The following DTD1 variants were observed in gnomAD, a reference collection of about 807,000 sequenced individuals.
DTD1 encodes D-tyrosyl-tRNA deacylase 1 homolog.
In DTD1, 13 loss-of-function variants were observed where a neutral mutation model predicts 25.6. The observed-to-expected ratio is 0.51, with a 90% CI of 0.33 to 0.81. The LOEUF is 0.81. Among genes scored for constraint, DTD1 ranks in the 30% least tolerant of loss-of-function variants. The probability of loss-of-function intolerance (pLI) is 0.02; values close to 1 mark genes in which losing one functional copy is unlikely to be tolerated. For synonymous variants in DTD1, 110 were observed against 103.6 expected, an observed-to-expected ratio of 1.06 and a Z score of -0.37; for missense variants, 193 against 266.4, an observed-to-expected ratio of 0.72 and a Z score of 1.92.
intron 4 of DTD1, among the ~76,000 whole-genome samples, chr20:18,629,253 C>T (rs1176247464): frequency 1.3e-5 from 2 of 149,700 alleles, no homozygotes; most frequent in Non-Finnish European, 3.0e-5. Flanking sequence ...GCCACGGCCT[C>T]CCAAAGTGCT....
intron 4 of DTD1, among the ~76,000 whole-genome samples, chr20:18,725,228 C>A (rs1456170771): frequency 6.6e-6 from 1 of 152,102 alleles, no homozygotes; most frequent in Non-Finnish European, 1.5e-5. Context: ...TTTGGGTCAC[C>A]AGGTCATTAG....
At chr20:18,618,137 G>A (rs1453783770) in intron 3 of DTD1, among the ~76,000 whole-genome samples, 3 of 152,206 alleles carry the variant, frequency 2.0e-5, no homozygotes, top group Admixed American at 6.5e-5. Context: ...ATGGCCGTTT[G>A]TAGGCACCGC....
chr20:18,652,404 T>C lies in DTD1; in HGVS notation c.477+24171T>C, dbSNP rs77938550. ...TAGGATTAAAAGTCAGTCACAATCT[T>C]GGACAACATTTTTACTTTCTGGTGC... On this transcript the variant is annotated intron_variant, in intron 4 of 5. Transcript: ENST00000377452. Among the ~76,000 whole-genome samples, 462 of 152,394 alleles carry C rather than the reference T, an allele frequency of 3.0e-3. 4 individuals are homozygous for C. Among genetic ancestry groups the C allele is most frequent in the African/African-American group, 0.011 (447 of 41,594 alleles).
At chr20:18,642,076 A>G (rs185285537) in intron 4 of DTD1, among the ~76,000 whole-genome samples, 3 of 152,308 alleles carry the variant, frequency 2.0e-5, no homozygotes, top group Admixed American at 2.0e-4. Context: ...ACTTGCAGAC[A>G]GGTTGGGAGA....
chr20:18,738,223 G>A (rs1309532929), intron 4 of DTD1, among the ~76,000 whole-genome samples: 1 of 152,218 alleles, frequency 6.6e-6, no homozygotes, highest in East Asian at 1.9e-4. Flanking sequence ...AGAATGCGGG[G>A]TTTGGCGTCT....
At chr20:18,737,837 G>A (rs1476511940) in intron 4 of DTD1, among the ~76,000 whole-genome samples, 1 of 152,230 alleles carries the variant, frequency 6.6e-6, no homozygotes, top group Non-Finnish European at 1.5e-5. Context: ...AACCACCAAG[G>A]AGCTGGACCA....
chr20:18,682,677 A>C (rs1211051371), intron 4 of DTD1, among the ~76,000 whole-genome samples: 1 of 152,208 alleles, frequency 6.6e-6, no homozygotes, highest in African/African-American at 2.4e-5. Context: ...CAGTCAACTC[A>C]TCTCTACCTT....
At chr20:18,713,715 T>C (rs1242732980) in intron 4 of DTD1, among the ~76,000 whole-genome samples, 3 of 152,232 alleles carry the variant, frequency 2.0e-5, no homozygotes, top group Non-Finnish European at 4.4e-5. Context: ...GTTCATGCAC[T>C]TTCTCTAGAC....
In DTD1 at chr20:18,680,386, CTT is replaced by C. The variant is rs773426584; in HGVS notation, c.477+52155_477+52156del. Among the ~76,000 whole-genome samples the C allele has an allele frequency of 2.9e-5, 4 of 138,956 alleles. No individual in the cohort carries two copies. The East Asian group carries it at 8.6e-4, about 30-fold the overall frequency. The allele number at this position is 138,956 out of a possible 152,430, so 91.2% of individuals were successfully genotyped here. On this transcript the variant is annotated intron_variant, in intron 4 of 5. Transcript: ENST00000377452. ...TTTTTTTTAATTTTGTAGAGACACT[CTT>C]TATCACAGTGATTTTTGTTGTTGTC...
At chr20:18,633,649 GC>G in intron 4 of DTD1, among the ~76,000 whole-genome samples, 1 of 152,348 alleles carries the variant, frequency 6.6e-6, no homozygotes. Flanking sequence ...AGCCGAGTGG[GC>G]CTCCCAGGGG....
chr20:18,597,293 A>G (rs2060616054), intron 3 of DTD1, among the ~76,000 whole-genome samples: 1 of 152,068 alleles, frequency 6.6e-6, no homozygotes, highest in Admixed American at 6.6e-5. Context: ...AATTTCTATC[A>G]AAATTTATAA....
chr20:18,746,205 C>T (rs952294520), intron 5 of DTD1, among the ~76,000 whole-genome samples: 3 of 152,080 alleles, frequency 2.0e-5, no homozygotes, highest in Non-Finnish European at 4.4e-5. Context: ...AGCCAGGTCT[C>T]GGACATACAA....
intron 4 of DTD1, among the ~76,000 whole-genome samples, chr20:18,628,508 C>T (rs1336204993): frequency 1.3e-5 from 2 of 152,140 alleles, no homozygotes; most frequent in Non-Finnish European, 2.9e-5. Context: ...CTTCCCTTGG[C>T]CAGGTGCCGT....
chr20:18,609,089 A>G lies in DTD1; in HGVS notation c.370+12848A>G, dbSNP rs151276676. Among the ~76,000 whole-genome samples, 514 of 152,132 alleles carry G rather than the reference A, an allele frequency of 3.4e-3. 3 individuals carry two copies. Among genetic ancestry groups the G allele is most frequent in the African/African-American group, 0.012 (488 of 41,498 alleles). On this transcript the variant is annotated intron_variant, in intron 3 of 5. Coordinates refer to ENST00000377452, the MANE Select transcript of DTD1 (RefSeq NM_080820.6). Reference sequence around the variant, plus strand: ...CTTCCTAAGTAGAATGTGTTTTTCAATGTTGAACTGCAGTATCTGTTGCTC... The same window carrying G: ...CTTCCTAAGTAGAATGTGTTTTTCAGTGTTGAACTGCAGTATCTGTTGCTC...
At chr20:18,669,834 C>A (rs1393424369) in intron 4 of DTD1, among the ~76,000 whole-genome samples, 1 of 152,146 alleles carries the variant, frequency 6.6e-6, no homozygotes, top group Non-Finnish European at 1.5e-5. Flanking sequence ...TTCTTGAACG[C>A]TTTGATCACA....
chr20:18,596,083 A>G lies in DTD1; in HGVS notation c.212A>G (p.Gln71Arg). 6.2e-7 allele frequency: 1 copy of G among 1,614,202 alleles called. No individual in the cohort carries two copies. The highest frequency in any genetic ancestry group is 8.5e-7 in the Non-Finnish European group (1 of 1,180,024). ...TGGTCGAAGAGTGTGATGGACAAAC[A>G]GTACGAGATTCTGTGTGTCAGCCAG... ...KHWSKSVMDKQYEILCVSQFT... is the reference protein window; with the variant it reads ...KHWSKSVMDKRYEILCVSQFT... Residue 71 changes from glutamine (Q) to arginine (R), a missense_variant, in exon 3 of 6, where the codon CAG (glutamine) becomes CGG (arginine). Physicochemically the swap from Gln to Arg is conservative, Grantham distance 43. Transcript: ENST00000377452.
At chr20:18,660,210 A>C (rs115350759) in intron 4 of DTD1, among the ~76,000 whole-genome samples, 1,752 of 152,318 alleles carry the variant, frequency 0.012, 30 homozygotes, top group African/African-American at 0.039. Context: ...CCGTCTCAAA[A>C]AAAAAGTATT....
chr20:18,641,967 G>A (rs1228788072), intron 4 of DTD1, among the ~76,000 whole-genome samples: 1 of 152,072 alleles, frequency 6.6e-6, no homozygotes, highest in Non-Finnish European at 1.5e-5. Context: ...TTTTCTTTAT[G>A]TTTTCTTCTG....
intron 4 of DTD1, among the ~76,000 whole-genome samples, chr20:18,715,570 A>C (rs1422310917): frequency 6.6e-6 from 1 of 152,198 alleles, no homozygotes; most frequent in Non-Finnish European, 1.5e-5. Context: ...AAATTAAACC[A>C]AGTCACAAAG....
Sources: allele counts gnomAD v4.1 joint callset (sites outside exome capture counted in the v4.1 genomes callset), GRCh38; gene constraint gnomAD v4.1.1; transcripts MANE v1.5; gene names NCBI Gene and HGNC (gene_info 2026-07-23, HGNC 2026-07-21).